The following WWTR1 variants were observed in gnomAD, a reference collection of about 807,000 sequenced individuals.
WWTR1 encodes the protein WW domain containing transcription regulator 1.
WWTR1 carries 13 observed loss-of-function variants against 40.1 expected under a neutral mutation model. The observed-to-expected ratio is 0.32, with a 90% CI of 0.21 to 0.52. The LOEUF is 0.52. Ranked by LOEUF, WWTR1 falls within the 20% of genes least tolerant of loss-of-function variation. The pLI is 0.97. For missense variants in WWTR1, 436 were observed against 523.1 expected (o/e 0.83, Z 1.63); for synonymous variants, 230 against 210.1 (o/e 1.09, Z -0.82).
intron 4 of WWTR1, among the ~76,000 whole-genome samples, chr3:149,719,883 C>T (rs767734051): frequency 4.1e-4 from 63 of 152,320 alleles, no homozygotes; most frequent in African/African-American, 1.5e-3. Context: ...AGCATCTTTG[C>T]ATGTGCTGAT....
At chr3:149,532,401 A>G (rs1735626613) in intron 4 of WWTR1, among the ~76,000 whole-genome samples, 1 of 152,222 alleles carries the variant, frequency 6.6e-6, no homozygotes, top group Non-Finnish European at 1.5e-5. Flanking sequence ...TGTGAAATTC[A>G]TCATAATGGT....
At chr3:149,644,030 C>T (rs938166655) in intron 2 of WWTR1, among the ~76,000 whole-genome samples, 4 of 152,156 alleles carry the variant, frequency 2.6e-5, no homozygotes, top group African/African-American at 7.2e-5. Flanking sequence ...CATTCCACTA[C>T]ACCCCATTTT....
In WWTR1 at chr3:149,657,911, C is replaced by T. The variant is rs113209446; in HGVS notation, c.-150G>A. On this transcript the variant is annotated 5_prime_UTR_variant, in exon 1 of 7. Coordinates refer to ENST00000360632, the MANE Select transcript of WWTR1 (RefSeq NM_015472.6). ...GACAAATCCCGACCCGACTCTGTGC[C>T]TGGCAGTCTAAGGGCTTCGGCTCTC... The T allele has an allele frequency of 6.5e-6, 1 of 153,308 alleles. No homozygotes were observed. The highest frequency in any genetic ancestry group is 1.5e-5 in the Non-Finnish European group (1 of 68,950). 9.5% of individuals were successfully genotyped at this position (153,308 alleles called of 1,614,324 possible).
intron 5 of WWTR1, among the ~76,000 whole-genome samples, chr3:149,715,813 C>T (rs573001421): frequency 6.6e-6 from 1 of 152,298 alleles, no homozygotes; most frequent in South Asian, 2.1e-4. Flanking sequence ...CTTTCTAATA[C>T]TTATGCTAAT....
chr3:149,549,737 G>C (rs1320999725), intron 3 of WWTR1, among the ~76,000 whole-genome samples: 1 of 152,148 alleles, frequency 6.6e-6, no homozygotes, highest in Non-Finnish European at 1.5e-5. Context: ...TACTTGGGAG[G>C]CTGGGGCAGG....
chr3:149,693,748 A>G (rs1480677439), intron 1 of WWTR1, among the ~76,000 whole-genome samples: 1 of 152,206 alleles, frequency 6.6e-6, no homozygotes, highest in Non-Finnish European at 1.5e-5. Flanking sequence ...TGGGGAAAGG[A>G]CAGTCTCTTC....
At chr3:149,614,673 C>T (rs1739882769) in intron 2 of WWTR1, among the ~76,000 whole-genome samples, 1 of 152,104 alleles carries the variant, frequency 6.6e-6, no homozygotes, top group South Asian at 2.1e-4. Context: ...GAACATCTTT[C>T]AAAAGGAGAC....
chr3:149,591,873 T>C (rs1325013018), intron 2 of WWTR1, among the ~76,000 whole-genome samples: 1 of 151,584 alleles, frequency 6.6e-6, no homozygotes, highest in Admixed American at 6.6e-5. Flanking sequence ...TGTTGCCAAA[T>C]GTGAGAAACA....
chr3:149,544,598 G>T (rs1227402486), intron 3 of WWTR1, among the ~76,000 whole-genome samples: 1 of 152,140 alleles, frequency 6.6e-6, no homozygotes, highest in Non-Finnish European at 1.5e-5. Flanking sequence ...AACCCAGAAA[G>T]GTTAAGGGAT....
chr3:149,661,730 A>G (rs1311922009), upstream of WWTR1, among the ~76,000 whole-genome samples: 2 of 133,024 alleles, frequency 1.5e-5, no homozygotes, highest in Non-Finnish European at 3.1e-5. Context: ...GGCCACAAAT[A>G]AAGTTTTTTT....
In WWTR1 at chr3:149,663,809, G is replaced by C. The variant is rs1713689681; in HGVS notation, c.-4+5979C>G. ...CTCTTTCAGCACCCATTAGTGTACT[G>C]TGCAGTTTGTTAGATAATTTCTCAC... is the stretch of plus-strand genomic sequence containing the variant. On this transcript the variant is annotated intron_variant, in intron 2 of 7. Coordinates refer to the WWTR1 transcript ENST00000465804. 2.0e-5 allele frequency among the ~76,000 whole-genome samples: 3 copies of C among 152,304 alleles called. No homozygotes were observed. The South Asian group carries it at 6.2e-4, about 32-fold the overall frequency.
chr3:149,648,140 C>T (rs1283769942), intron 2 of WWTR1, among the ~76,000 whole-genome samples: 1 of 152,140 alleles, frequency 6.6e-6, no homozygotes, highest in Non-Finnish European at 1.5e-5. Flanking sequence ...CTCTGAACAC[C>T]CAGCCTTCAT....
At chr3:149,544,787 A>G (rs564543142) in intron 3 of WWTR1, among the ~76,000 whole-genome samples, 2 of 152,366 alleles carry the variant, frequency 1.3e-5, no homozygotes, top group South Asian at 2.1e-4. Flanking sequence ...AAAGTACCAC[A>G]CACACAGCAG....
At chr3:149,661,374 GT>G (rs1226967447), upstream of WWTR1, 4 of 152,066 alleles carry the variant, frequency 2.6e-5, no homozygotes, top group Admixed American at 6.6e-5. Flanking sequence ...ATATTGAAAT[GT>G]TTTTTAAATG....
chr3:149,699,858 T>C (rs1445197550), intron 1 of WWTR1, among the ~76,000 whole-genome samples: 1 of 152,206 alleles, frequency 6.6e-6, no homozygotes, highest in Non-Finnish European at 1.5e-5. Flanking sequence ...TCTTCCAACC[T>C]CTGCCTGTGA....
chr3:149,659,129 G>A (rs1713445167), upstream of WWTR1, among the ~76,000 whole-genome samples: 1 of 152,164 alleles, frequency 6.6e-6, no homozygotes, highest in Non-Finnish European at 1.5e-5. Flanking sequence ...CCTCTCCACT[G>A]AGGGGAAAGG....
intron 5 of WWTR1, among the ~76,000 whole-genome samples, chr3:149,714,907 G>C (rs575237268): frequency 6.6e-6 from 1 of 152,192 alleles, no homozygotes; most frequent in Admixed American, 6.5e-5. Flanking sequence ...ATGGAGAGAG[G>C]ACAGGGAGAC....
intron 2 of WWTR1, among the ~76,000 whole-genome samples, chr3:149,608,593 T>C (rs1026421058): frequency 2.0e-5 from 3 of 152,076 alleles, no homozygotes; most frequent in African/African-American, 7.2e-5. Flanking sequence ...TTCACCATAC[T>C]GGCCAGGCTG....
intron 2 of WWTR1, among the ~76,000 whole-genome samples, chr3:149,587,383 C>G (rs571860779): frequency 2.0e-4 from 31 of 152,130 alleles, no homozygotes; most frequent in African/African-American, 6.3e-4. Flanking sequence ...AACATTTCAG[C>G]AGTAATGATG....
Sources: allele counts gnomAD v4.1 joint callset (sites outside exome capture counted in the v4.1 genomes callset), GRCh38; gene constraint gnomAD v4.1.1; transcripts MANE v1.5; gene names NCBI Gene and HGNC (gene_info 2026-07-23, HGNC 2026-07-21).